Variants in SGCD observed in about 807,000 individuals in gnomAD.
The protein encoded by SGCD is sarcoglycan delta.
Under a neutral mutation model 36.6 loss-of-function variants are expected in SGCD, and 18 were observed. That is an observed-to-expected ratio of 0.49 (90% CI 0.34 to 0.73). The LOEUF (loss-of-function observed/expected upper bound fraction) is 0.73. Among genes scored for constraint, SGCD ranks in the 30% least tolerant of loss-of-function variants. The probability of loss-of-function intolerance (pLI) is 0.01; values close to 1 mark genes in which losing one functional copy is unlikely to be tolerated. For missense variants in SGCD, 387 were observed against 346.7 expected (o/e 1.12, Z -0.92); for synonymous variants, 133 against 130.6 (o/e 1.02, Z -0.12).
chr5:155,916,765 A>G (rs1047977247), intron 1 of SGCD, among the ~76,000 whole-genome samples: 3 of 152,254 alleles, frequency 2.0e-5, no homozygotes, highest in African/African-American at 7.2e-5. Flanking sequence ...CAGTAACAGT[A>G]ACAATTATGG....
At chr5:156,388,203 C>T (rs1170768832) in intron 3 of SGCD, among the ~76,000 whole-genome samples, 4 of 152,104 alleles carry the variant, frequency 2.6e-5, no homozygotes, top group South Asian at 4.1e-4. Context: ...GTGTGATAGC[C>T]GGGCAAGGCA....
the SGCD span, among the ~76,000 whole-genome samples, chr5:155,777,288 C>A: frequency 6.6e-6 from 1 of 151,024 alleles, no homozygotes; most frequent in Admixed American, 6.6e-5. Flanking sequence ...GCTAGAAGTT[C>A]TTTTATAGCT....
chr5:156,419,329 G>T (rs1182378652), intron 3 of SGCD, among the ~76,000 whole-genome samples: 2 of 152,046 alleles, frequency 1.3e-5, no homozygotes, highest in Non-Finnish European at 2.9e-5. Flanking sequence ...TGTCTTCTGG[G>T]ACTTCCTACC....
At chr5:156,106,109 CAAAAAAAAAAAAAAAAAA>C (rs1159337817) in intron 1 of SGCD, among the ~76,000 whole-genome samples, 3 of 34,912 alleles carry the variant, frequency 8.6e-5, no homozygotes, top group Non-Finnish European at 1.5e-4. Context: ...GACTCTGCCT[CAAAAAAAAAAAAAAAAAA>C]AAAAAAAAAA....
chr5:156,377,209 A>C (rs1475894935), intron 3 of SGCD, among the ~76,000 whole-genome samples: 6 of 152,210 alleles, frequency 3.9e-5, no homozygotes, highest in Admixed American at 6.5e-5. Flanking sequence ...TAAGCATCTT[A>C]ATATTGCCAG....
intron 7 of SGCD, among the ~76,000 whole-genome samples, chr5:156,657,117 A>G (rs1170031368): frequency 1.3e-5 from 2 of 152,142 alleles, no homozygotes; most frequent in Admixed American, 1.3e-4. Context: ...TAAACTATCA[A>G]AACAGTCTAT....
At chr5:155,759,444 G>A in the SGCD span, among the ~76,000 whole-genome samples, 2 of 152,004 alleles carry the variant, frequency 1.3e-5, no homozygotes, top group Non-Finnish European at 2.9e-5. Context: ...TGATATTAAT[G>A]CAGAGTAAGC....
intron 3 of SGCD, among the ~76,000 whole-genome samples, chr5:156,238,768 A>T (rs976023296): frequency 2.0e-5 from 3 of 152,150 alleles, no homozygotes; most frequent in African/African-American, 4.8e-5. Context: ...GCTGGTGCTC[A>T]ACTGTGGTTT....
intron 3 of SGCD, among the ~76,000 whole-genome samples, chr5:156,236,184 A>G (rs569911603): frequency 1.6e-3 from 237 of 152,246 alleles, no homozygotes; most frequent in Non-Finnish European, 3.0e-3. Context: ...GTTACGGTTA[A>G]ATCATTTTTT....
chr5:155,897,356 G>A (rs950345929), intron 1 of SGCD, among the ~76,000 whole-genome samples: 3 of 152,188 alleles, frequency 2.0e-5, no homozygotes, highest in African/African-American at 7.2e-5. Context: ...TTGCAGAACT[G>A]GAAGTTGCTC....
chr5:156,285,441 A>C (rs570241320), intron 3 of SGCD, among the ~76,000 whole-genome samples: 1 of 152,232 alleles, frequency 6.6e-6, no homozygotes, highest in African/African-American at 2.4e-5. Context: ...CGGCTACAGT[A>C]ACCAAAACAG....
At chr5:155,935,261 AC>A (rs1434841056) in intron 1 of SGCD, among the ~76,000 whole-genome samples, 5 of 152,136 alleles carry the variant, frequency 3.3e-5, no homozygotes, top group Non-Finnish European at 7.4e-5. Flanking sequence ...TATCCTAGTG[AC>A]TTTTGTTTAT....
At chr5:156,594,514 G>C (rs1052441140) in intron 5 of SGCD, among the ~76,000 whole-genome samples, 33 of 152,134 alleles carry the variant, frequency 2.2e-4, no homozygotes, top group African/African-American at 8.0e-4. Context: ...ATTTTAAAAA[G>C]CTCTTTCTGA....
intron 3 of SGCD, among the ~76,000 whole-genome samples, chr5:156,229,851 A>G (rs28750556): frequency 0.25 from 38,067 of 151,960 alleles, 5,183 homozygotes; most frequent in East Asian, 0.62. Flanking sequence ...AGCTTTGTTC[A>G]TATTTTCTTA....
At chr5:155,925,797 T>G (rs1756983359) in intron 1 of SGCD, among the ~76,000 whole-genome samples, 1 of 152,050 alleles carries the variant, frequency 6.6e-6, no homozygotes, top group African/African-American at 2.4e-5. Flanking sequence ...TGTATTTTTT[T>G]GTAGAGATGA....
Position 156,662,935 on chromosome 5 carries a change from G to A in SGCD, c.575+15399G>A, listed in dbSNP as rs547303705. The stretch of plus-strand genomic sequence containing the variant: ...GGTTTTTCTGTTTTCCAAGTTAGTG[G>A]TATGGGTTTAGGAGGCTCTACAGTG... On this transcript the variant is annotated intron_variant, in intron 7 of 8. Coordinates refer to ENST00000337851, the MANE Select transcript of SGCD (RefSeq NM_000337.6). Among the ~76,000 whole-genome samples, 8 of 149,968 alleles carry A rather than the reference G, an allele frequency of 5.3e-5. 1 individual carries two copies. In the South Asian group the frequency reaches 8.4e-4, roughly 16 times the overall value.
At chr5:156,376,722 T>C (rs186494948) in intron 3 of SGCD, among the ~76,000 whole-genome samples, 107 of 152,344 alleles carry the variant, frequency 7.0e-4, no homozygotes, top group African/African-American at 2.5e-3. Flanking sequence ...AATTATACTT[T>C]TTAGGAGAAA....
At chr5:156,410,432 T>A (rs1156836432) in intron 3 of SGCD, among the ~76,000 whole-genome samples, 1 of 152,232 alleles carries the variant, frequency 6.6e-6, no homozygotes. Flanking sequence ...GCTCACTACC[T>A]GGGTGATGGG....
chr5:156,099,741 A>T (rs1051326859), intron 1 of SGCD, among the ~76,000 whole-genome samples: 3 of 152,096 alleles, frequency 2.0e-5, no homozygotes, highest in Non-Finnish European at 4.4e-5. Flanking sequence ...AGCACCTAAT[A>T]TGGTCTAGAC....
Sources: gnomAD v4.1 joint callset for allele counts (sites outside exome capture counted in the v4.1 genomes callset) on GRCh38, gnomAD v4.1.1 for gene constraint, MANE v1.5 for transcripts, NCBI Gene and HGNC (gene_info 2026-07-23, HGNC 2026-07-21) for gene names.